Variants in QKI observed in about 807,000 individuals in gnomAD.
The protein encoded by QKI is QKI, KH domain containing RNA binding.
QKI carries 10 observed loss-of-function variants against 39.0 expected under a neutral mutation model. The ratio of observed to expected loss-of-function variants is 0.26; its 90% CI spans 0.16 to 0.43. The LOEUF (loss-of-function observed/expected upper bound fraction) is 0.43. Ranked by LOEUF, QKI falls within the 20% of genes least tolerant of loss-of-function variation. The pLI, the probability that QKI is intolerant of heterozygous loss-of-function variation, is 1.00. For synonymous variants in QKI, 204 were observed against 155.4 expected (o/e 1.31, Z -2.33); for missense variants, 218 against 428.0 (o/e 0.51, Z 4.33).
chr6:163,496,521 C>A (rs1374370871), intron 3 of QKI, among the ~76,000 whole-genome samples: 1 of 152,134 alleles, frequency 6.6e-6, no homozygotes, highest in Admixed American at 6.6e-5. Flanking sequence ...TTCCTTATTT[C>A]CATTCTTCCG....
At chr6:163,552,206 CT>C (rs35060699) in intron 4 of QKI, among the ~76,000 whole-genome samples, 2,951 of 101,676 alleles carry the variant, frequency 0.029, 55 homozygotes, top group African/African-American at 0.11. Flanking sequence ...TTCGTTCGTT[CT>C]TTTTTTTTTT....
intron 3 of QKI, among the ~76,000 whole-genome samples, chr6:163,532,435 C>G (rs1780924534): frequency 6.6e-6 from 1 of 152,094 alleles, no homozygotes; most frequent in Non-Finnish European, 1.5e-5. Context: ...GTATGCCAGA[C>G]TTTTACCTTG....
intron 1 of QKI, among the ~76,000 whole-genome samples, chr6:163,437,886 A>G (rs187371594): frequency 5.9e-4 from 90 of 152,240 alleles, no homozygotes; most frequent in African/African-American, 2.0e-3. Context: ...GGTTAAGCCA[A>G]AAAAGGTCAG....
chr6:163,474,261 C>T (rs1209616651), intron 2 of QKI, among the ~76,000 whole-genome samples: 1 of 151,986 alleles, frequency 6.6e-6, no homozygotes, highest in Admixed American at 6.6e-5. Context: ...AAATTTGGAA[C>T]AAGTCAAGGA....
At chr6:163,457,089 T>C (rs1416571298) in intron 2 of QKI, among the ~76,000 whole-genome samples, 2 of 152,150 alleles carry the variant, frequency 1.3e-5, no homozygotes, top group Non-Finnish European at 1.5e-5. Context: ...GGTCTACTGC[T>C]GTTAGGTTTT....
chr6:163,547,713 C>T (rs1781974666), intron 4 of QKI, among the ~76,000 whole-genome samples: 1 of 152,150 alleles, frequency 6.6e-6, no homozygotes, highest in Admixed American at 6.6e-5. Context: ...TGCCCTGGCT[C>T]CTTCCCATCT....
chr6:163,469,647 G>C (rs1003023982), intron 2 of QKI, among the ~76,000 whole-genome samples: 1 of 152,166 alleles, frequency 6.6e-6, no homozygotes, highest in African/African-American at 2.4e-5. Flanking sequence ...ATGAAAGGCT[G>C]TTCTCTGTTT....
chr6:163,450,130 T>A (rs1361283938), intron 1 of QKI, among the ~76,000 whole-genome samples: 1 of 152,140 alleles, frequency 6.6e-6, no homozygotes, highest in Non-Finnish European at 1.5e-5. Flanking sequence ...TGATCTCAGC[T>A]TACTGCAGCC....
intron 1 of QKI, chr6:163,415,886 C>A (rs992520174): frequency 2.0e-6 from 1 of 511,914 alleles, no homozygotes; most frequent in Non-Finnish European, 3.9e-6. Flanking sequence ...CTGTTCAATA[C>A]TAAGTGGAAG....
chr6:163,546,219 C>A (rs1781864006), intron 4 of QKI, among the ~76,000 whole-genome samples: 1 of 151,482 alleles, frequency 6.6e-6, no homozygotes, highest in African/African-American at 2.4e-5. Context: ...CGAGTGATTT[C>A]TCAGTGTATT....
In QKI at chr6:163,422,797, T is replaced by C. The variant is rs140784540; in HGVS notation, c.142+7462T>C. 5.9e-4 allele frequency among the ~76,000 whole-genome samples: 90 copies of C among 152,258 alleles called. 1 individual carries two copies. In the East Asian group the frequency reaches 0.016, roughly 28 times the overall value. On this transcript the variant is annotated intron_variant, in intron 1 of 7. Coordinates refer to ENST00000361752, the MANE Select transcript of QKI (RefSeq NM_006775.3). ...GATTGAATAAGTAGCTGGCCTTAAG[T>C]AAGCACCTCGCTTTTGCTTTAGTGC...
At chr6:163,563,996 T>A (rs371045329) in intron 6 of QKI, 1 of 1,258,152 alleles carries the variant, frequency 7.9e-7, no homozygotes, top group Non-Finnish European at 1.0e-6. Flanking sequence ...CATTTGACAT[T>A]ACTGAGGTCA....
intron 6 of QKI, chr6:163,566,305 C>T: frequency 8.4e-7 from 1 of 1,196,908 alleles, no homozygotes; most frequent in Non-Finnish European, 1.0e-6. Flanking sequence ...GCTTTTAAAC[C>T]TTTTTAAGTG....
intron 3 of QKI, among the ~76,000 whole-genome samples, chr6:163,503,611 C>T (rs1778918264): frequency 6.6e-6 from 1 of 151,994 alleles, no homozygotes; most frequent in South Asian, 2.1e-4. Flanking sequence ...GTTGCATTTG[C>T]TTTTGAGGGT....
intron 1 of QKI, among the ~76,000 whole-genome samples, chr6:163,430,351 ACT>A (rs568770657): frequency 6.6e-5 from 10 of 150,774 alleles, no homozygotes; most frequent in Non-Finnish European, 1.5e-4. Flanking sequence ...CTTGACTTTG[ACT>A]CTCTTTAGGT....
intron 7 of QKI, chr6:163,567,643 AGGAAT>A (rs1353109740): frequency 1.8e-5 from 18 of 984,922 alleles, no homozygotes; most frequent in Non-Finnish European, 1.9e-5. Context: ...TTGCTTATTG[AGGAAT>A]GGTATTTTCG....
intron 3 of QKI, among the ~76,000 whole-genome samples, chr6:163,500,582 TA>T (rs1778698491): frequency 6.6e-6 from 1 of 152,186 alleles, no homozygotes; most frequent in Non-Finnish European, 1.5e-5. Flanking sequence ...AATGTGGACA[TA>T]ATTGGTGCCT....
chr6:163,476,867 T>C (rs1047032211), intron 2 of QKI, among the ~76,000 whole-genome samples: 1 of 152,170 alleles, frequency 6.6e-6, no homozygotes, highest in Admixed American at 6.5e-5. Flanking sequence ...TGGCAAACTT[T>C]TTACTGGACC....
At chr6:163,440,751 A>T (rs1163983478) in intron 1 of QKI, among the ~76,000 whole-genome samples, 1 of 152,140 alleles carries the variant, frequency 6.6e-6, no homozygotes, top group African/African-American at 2.4e-5. Context: ...CCATGTCTGT[A>T]TTTGCACATG....
Sources: gnomAD v4.1 joint callset for allele counts (sites outside exome capture counted in the v4.1 genomes callset) on GRCh38, gnomAD v4.1.1 for gene constraint, MANE v1.5 for transcripts, NCBI Gene and HGNC (gene_info 2026-07-23, HGNC 2026-07-21) for gene names.